SORCS2: variants seen among roughly 807,000 people sequenced by gnomAD.
SORCS2 encodes the protein sortilin related VPS10 domain containing receptor 2.
In SORCS2, 100 loss-of-function variants were observed where a neutral mutation model predicts 141.6. The ratio of observed to expected loss-of-function variants is 0.71; its 90% CI spans 0.60 to 0.83. SORCS2 has a LOEUF of 0.83. Among genes scored for constraint, SORCS2 ranks in the 40% least tolerant of loss-of-function variants. SORCS2 has a pLI of 0.00. For missense variants in SORCS2, 1,646 were observed against 1,560.2 expected (o/e 1.05, Z -0.93); for synonymous variants, 789 against 676.9 (o/e 1.17, Z -2.57).
At chr4:7,480,539 G>A (rs951856661) in intron 2 of SORCS2, among the ~76,000 whole-genome samples, 7 of 152,236 alleles carry the variant, frequency 4.6e-5, no homozygotes, top group Non-Finnish European at 1.0e-4. Flanking sequence ...CACCCGCCAA[G>A]GGGGCGACTG....
rs1166628272 is a variant in SORCS2 at position 7,682,752 on chromosome 4, G to A, written c.1351G>A (p.Val451Met). The change falls in exon 10 of 27, where the codon GTG (valine) becomes ATG (methionine). Residue 451 changes from valine to methionine, a missense_variant. Coordinates refer to ENST00000507866, the MANE Select transcript of SORCS2 (RefSeq NM_020777.3). ...TTTATTTTTGTCCCAGGTCAGAGGGGTGAAAGGAGTCTTCCTGGCAAACCA... is the reference window on the plus strand; with the variant it reads ...TTTATTTTTGTCCCAGGTCAGAGGGATGAAAGGAGTCTTCCTGGCAAACCA... ...VLIDILEVRG[V>M]KGVFLANQKI... 12 of 1,610,368 alleles carry A rather than the reference G, an allele frequency of 7.5e-6. No individual in the cohort carries two copies. The highest frequency in any genetic ancestry group is 6.7e-5 in the Admixed American group (4 of 59,522).
chr4:7,400,150 G>A (rs6821857), intron 2 of SORCS2, among the ~76,000 whole-genome samples: 21,885 of 140,282 alleles, frequency 0.16, 1,729 homozygotes, highest in Non-Finnish European at 0.19. Flanking sequence ...CCCCACCCCC[G>A]GCTCCTACCC....
chr4:7,365,924 C>A (rs1263653731), intron 1 of SORCS2, among the ~76,000 whole-genome samples: 3 of 152,178 alleles, frequency 2.0e-5, no homozygotes, highest in Non-Finnish European at 2.9e-5. Context: ...GTCCCTGCCC[C>A]CTGTGAAAAC....
intron 1 of SORCS2, among the ~76,000 whole-genome samples, chr4:7,215,295 C>G (rs946654061): frequency 3.3e-5 from 5 of 152,224 alleles, no homozygotes; most frequent in Non-Finnish European, 7.4e-5. Context: ...GGAGGGTGTA[C>G]TGGGTCCCCC....
intron 2 of SORCS2, among the ~76,000 whole-genome samples, chr4:7,443,966 C>T (rs1379364972): frequency 6.6e-6 from 1 of 152,224 alleles, no homozygotes; most frequent in Admixed American, 6.5e-5. Flanking sequence ...CACCTGACCC[C>T]AAAAGCTCCT....
At chr4:7,303,918 A>C (rs1188417051) in intron 1 of SORCS2, among the ~76,000 whole-genome samples, 1 of 152,252 alleles carries the variant, frequency 6.6e-6, no homozygotes, top group African/African-American at 2.4e-5. Context: ...TGAGGGGCCA[A>C]GGGGTCACCA....
intron 6 of SORCS2, among the ~76,000 whole-genome samples, chr4:7,662,108 C>A (rs1577912534): frequency 6.6e-6 from 1 of 152,178 alleles, no homozygotes; most frequent in African/African-American, 2.4e-5. Flanking sequence ...ACCCCAGTCT[C>A]CTGGCCTGTG....
chr4:7,680,493 C>T (rs1407812472), intron 9 of SORCS2, among the ~76,000 whole-genome samples: 1 of 152,252 alleles, frequency 6.6e-6, no homozygotes, highest in African/African-American at 2.4e-5. Flanking sequence ...GAGCAGGAGA[C>T]AGAGTGATGC....
intron 1 of SORCS2, among the ~76,000 whole-genome samples, chr4:7,374,294 G>C (rs1722488759): frequency 6.6e-6 from 1 of 152,084 alleles, no homozygotes; most frequent in Non-Finnish European, 1.5e-5. Flanking sequence ...TTTCTTGGGA[G>C]AGGGACTGAG....
At chr4:7,464,904 T>G (rs4423875) in intron 2 of SORCS2, among the ~76,000 whole-genome samples, 26,086 of 152,196 alleles carry the variant, frequency 0.17, 2,362 homozygotes, top group African/African-American at 0.23. Flanking sequence ...AGCCGGCGCC[T>G]CCGGCCATGG....
chr4:7,336,873 G>C (rs1489001720), intron 1 of SORCS2, among the ~76,000 whole-genome samples: 1 of 152,176 alleles, frequency 6.6e-6, no homozygotes, highest in African/African-American at 2.4e-5. Context: ...AGAAGGCCCT[G>C]GGTCTGAGTC....
intron 1 of SORCS2, among the ~76,000 whole-genome samples, chr4:7,351,926 A>G (rs1376223441): frequency 6.6e-6 from 1 of 151,490 alleles, no homozygotes; most frequent in Admixed American, 6.6e-5. Context: ...CTACTCAGCC[A>G]CTCATCTATC....
At chr4:7,473,641 C>T (rs1002112667) in intron 2 of SORCS2, among the ~76,000 whole-genome samples, 22 of 152,070 alleles carry the variant, frequency 1.4e-4, no homozygotes, top group African/African-American at 5.3e-4. Flanking sequence ...CAAGCATAGG[C>T]GTGTCCGTCA....
intron 2 of SORCS2, among the ~76,000 whole-genome samples, chr4:7,446,004 T>C (rs1195500178): frequency 2.3e-5 from 1 of 43,930 alleles, no homozygotes; most frequent in Non-Finnish European, 7.2e-5. Context: ...CCTTTGTCTT[T>C]TCTTTTTTTT....
chr4:7,674,715 T>C (rs1454864522), intron 8 of SORCS2, among the ~76,000 whole-genome samples: 4 of 150,842 alleles, frequency 2.7e-5, no homozygotes, highest in Admixed American at 2.6e-4. Context: ...AGCCCGACCC[T>C]GAGCCACCTG....
intron 2 of SORCS2, among the ~76,000 whole-genome samples, chr4:7,506,834 C>T (rs369834504): frequency 1.3e-5 from 2 of 152,282 alleles, no homozygotes; most frequent in South Asian, 2.1e-4. Context: ...ACACTTGTCC[C>T]TCAATACACA....
rs1001980161 is a variant in SORCS2 at position 7,729,680 on chromosome 4, C to G, written c.3076C>G (p.Pro1026Ala). The stretch of plus-strand genomic sequence containing the variant: ...GTACGTGCTCCTGCCCCCTCCCAGG[C>G]CCACAAGGAAGAGGAGCCTCTCGAG... ...DLYVLLPPPR[P>A]TRKRSLSSDK... The change falls in exon 23 of 27, where the codon CCC becomes GCC. Residue 1026 changes from proline (P) to alanine (A), a missense_variant. Transcript: ENST00000507866. The G allele has an allele frequency of 6.2e-7, 1 of 1,609,650 alleles. No individual in the cohort carries two copies. Among genetic ancestry groups the G allele is most frequent in the Non-Finnish European group, 8.5e-7 (1 of 1,178,250 alleles).
chr4:7,433,370 G>A, intron 2 of SORCS2: 1 of 1,465,864 alleles, frequency 6.8e-7, no homozygotes. Context: ...TTCTGGCAGT[G>A]TTGCACAGCG....
chr4:7,712,945 G>C, intron 15 of SORCS2, 92 bp downstream of exon 15: 2 of 1,526,386 alleles, frequency 1.3e-6, no homozygotes, highest in Non-Finnish European at 1.8e-6. Context: ...CTGCAAGGCC[G>C]CAGGGCACCT....
Sources: gnomAD v4.1 joint callset for allele counts (sites outside exome capture counted in the v4.1 genomes callset) on GRCh38, gnomAD v4.1.1 for gene constraint, MANE v1.5 for transcripts, NCBI Gene and HGNC (gene_info 2026-07-23, HGNC 2026-07-21) for gene names.